The following ZMYM4 variants were observed in gnomAD, a reference collection of about 807,000 sequenced individuals.
ZMYM4 encodes the protein zinc finger MYM-type containing 4, also known as zinc finger MYM-type protein 4.
In ZMYM4, 31 loss-of-function variants were observed where a neutral mutation model predicts 183.2. That is an observed-to-expected ratio of 0.17 (90% CI 0.13 to 0.23). ZMYM4 has a LOEUF of 0.23. Ranked by LOEUF, ZMYM4 falls within the 10% of genes least tolerant of loss-of-function variation. ZMYM4 has a pLI of 1.00. For synonymous variants in ZMYM4, 592 were observed against 631.2 expected (o/e 0.94, Z 0.93); for missense variants, 1,273 against 1,840.3 (o/e 0.69, Z 5.64).
At chr1:35,374,798 A>G (rs575997196) in intron 7 of ZMYM4, among the ~76,000 whole-genome samples, 5 of 152,028 alleles carry the variant, frequency 3.3e-5, no homozygotes, top group East Asian at 1.9e-4. Flanking sequence ...AATTATTACT[A>G]TTGTCCATAC....
At chr1:35,375,559 T>A (rs933152188) in intron 7 of ZMYM4, among the ~76,000 whole-genome samples, 2 of 152,156 alleles carry the variant, frequency 1.3e-5, no homozygotes, top group Admixed American at 6.5e-5. Context: ...ATGGAAAAAA[T>A]TTCCTCTCTG....
At position 35,405,366 on chromosome 1, in the gene ZMYM4, T is replaced by C; in HGVS notation, c.3701-7T>C. 1 of 1,596,826 alleles carries C rather than the reference T, an allele frequency of 6.3e-7. No homozygotes were observed. Among genetic ancestry groups the C allele is most frequent in the Non-Finnish European group, 8.5e-7 (1 of 1,175,814 alleles). ...AAACTTTTCTTTTATGTTTCTCTCC[T>C]TGTCAGGGGTTGAACAGGCCTCATC... On this transcript the variant is annotated splice_region_variant and splice_polypyrimidine_tract_variant and intron_variant, in intron 24 of 29. Coordinates refer to ENST00000314607, the MANE Select transcript of ZMYM4 (RefSeq NM_005095.3).
intron 1 of ZMYM4, among the ~76,000 whole-genome samples, chr1:35,282,923 A>T (rs149609669): frequency 7.1e-6 from 1 of 141,220 alleles, no homozygotes; most frequent in Admixed American, 7.3e-5. Context: ...CCAGCAATGC[A>T]TGAGGATTCC....
intron 27 of ZMYM4, among the ~76,000 whole-genome samples, chr1:35,414,947 A>G (rs183988351): frequency 1.3e-5 from 2 of 152,106 alleles, no homozygotes; most frequent in East Asian, 3.9e-4. Flanking sequence ...ACTCAGGAGG[A>G]TGAGGTGGGA....
intron 25 of ZMYM4, among the ~76,000 whole-genome samples, chr1:35,406,405 A>G (rs549073844): frequency 6.6e-6 from 1 of 152,240 alleles, no homozygotes; most frequent in Non-Finnish European, 1.5e-5. Flanking sequence ...TTGTAATCCC[A>G]GCACTGTAGA....
chr1:35,379,245 C>T (rs1644399301), intron 7 of ZMYM4, among the ~76,000 whole-genome samples: 1 of 152,104 alleles, frequency 6.6e-6, no homozygotes, highest in South Asian at 2.1e-4. Flanking sequence ...AGACTACAGT[C>T]ACGCGCCACC....
At chr1:35,315,406 G>A (rs1028781052) in intron 1 of ZMYM4, among the ~76,000 whole-genome samples, 1 of 151,852 alleles carries the variant, frequency 6.6e-6, no homozygotes, top group African/African-American at 2.4e-5. Context: ...TTTAAAAAAA[G>A]TTCTACTAAA....
intron 1 of ZMYM4, 37 bp from the exon 2 acceptor site, chr1:35,325,323 G>T: frequency 6.3e-7 from 1 of 1,578,678 alleles, no homozygotes; most frequent in South Asian, 1.2e-5. Flanking sequence ...TAGAAGATAT[G>T]ATGGTAATGT....
chr1:35,308,017 G>A (rs918068452), intron 1 of ZMYM4, among the ~76,000 whole-genome samples: 1 of 150,398 alleles, frequency 6.6e-6, no homozygotes. Flanking sequence ...TTTTTGAGAT[G>A]GAATCTCGAT....
In ZMYM4 at chr1:35,359,229, T is replaced by C. The variant is rs1447093468; in HGVS notation, c.390T>C (p.Ile130=). Residue 130 remains isoleucine (I), a synonymous_variant, in exon 3 of 30, where the codon ATT becomes ATC. Transcript: ENST00000314607. The part of the protein sequence containing the change: ...HESDNENEIQ[I]QNKLKKDFPK... The stretch of plus-strand genomic sequence containing the variant: ...CAGACAATGAAAATGAAATACAAAT[T>C]CAAAATAAGTTAAAAAAAGACTTTC... 1 of 1,610,170 alleles carries C rather than the reference T, an allele frequency of 6.2e-7. No homozygotes were observed. Among genetic ancestry groups the C allele is most frequent in the South Asian group, 1.1e-5 (1 of 90,148 alleles).
chr1:35,387,287 T>C lies in ZMYM4; in HGVS notation c.2112+9T>C, dbSNP rs1285969152. The stretch of plus-strand genomic sequence containing the variant: ...AACTTCTTGACTATAAGGTAAAGTA[T>C]AGCATGTTCATGATAAGATTTTGAG... On this transcript the variant is annotated intron_variant, in intron 12 of 29. Transcript: ENST00000314607. 5.6e-6 allele frequency: 9 copies of C among 1,610,452 alleles called. No homozygotes were observed. Among genetic ancestry groups the C allele is most frequent in the Admixed American group, 5.0e-5 (3 of 59,864 alleles).
At chr1:35,301,156 T>G (rs529060630) in intron 1 of ZMYM4, among the ~76,000 whole-genome samples, 2 of 152,336 alleles carry the variant, frequency 1.3e-5, no homozygotes, top group South Asian at 4.1e-4. Flanking sequence ...GGCACCAGAA[T>G]AGCTTCTTGG....
intron 3 of ZMYM4, 126 bp downstream of exon 3, chr1:35,359,572 T>C (rs1038343925): frequency 1.1e-5 from 11 of 1,022,144 alleles, no homozygotes; most frequent in African/African-American, 1.7e-5. Flanking sequence ...CTTGTCATTT[T>C]TCTTTTGTCC....
intron 20 of ZMYM4, among the ~76,000 whole-genome samples, chr1:35,397,968 A>G (rs1644838694): frequency 6.6e-6 from 1 of 152,224 alleles, no homozygotes; most frequent in Non-Finnish European, 1.5e-5. Context: ...TGGAATCATG[A>G]TAAAAACAAT....
At chr1:35,392,467 TA>T in intron 16 of ZMYM4, 115 bp downstream of exon 16, 1 of 1,395,744 alleles carries the variant, frequency 7.2e-7, no homozygotes, top group Non-Finnish European at 9.7e-7. Flanking sequence ...ATATTAGGAA[TA>T]GTGGCTTGCT....
intron 1 of ZMYM4, among the ~76,000 whole-genome samples, chr1:35,306,914 T>C (rs1641557759): frequency 6.6e-6 from 1 of 152,206 alleles, no homozygotes; most frequent in African/African-American, 2.4e-5. Context: ...AACTATGTAA[T>C]TGTTTGTGTA....
intron 5 of ZMYM4, among the ~76,000 whole-genome samples, chr1:35,362,208 A>T (rs192377111): frequency 6.6e-6 from 1 of 152,350 alleles, no homozygotes; most frequent in Admixed American, 6.5e-5. Context: ...TAATGGACAG[A>T]TCATCTTTGG....
intron 1 of ZMYM4, among the ~76,000 whole-genome samples, chr1:35,297,511 G>A (rs866099460): frequency 2.0e-5 from 3 of 151,922 alleles, no homozygotes; most frequent in African/African-American, 2.4e-5. Context: ...TATTTTTAAG[G>A]TTATCTTGAA....
intron 5 of ZMYM4, among the ~76,000 whole-genome samples, chr1:35,364,170 T>C (rs1644012240): frequency 6.6e-6 from 1 of 152,238 alleles, no homozygotes; most frequent in Non-Finnish European, 1.5e-5. Flanking sequence ...AGTTTCATCA[T>C]GATTATGGGA....
Sources: allele counts gnomAD v4.1 joint callset (sites outside exome capture counted in the v4.1 genomes callset), GRCh38; gene constraint gnomAD v4.1.1; transcripts MANE v1.5; gene names NCBI Gene and HGNC (gene_info 2026-07-23, HGNC 2026-07-21).